The following ITSN2 variants were observed in gnomAD, a reference collection of about 807,000 sequenced individuals.
ITSN2 encodes the protein intersectin-2.
In ITSN2, 156 loss-of-function variants were observed where a neutral mutation model predicts 243.7. That is an observed-to-expected ratio of 0.64 (90% CI 0.56 to 0.73). The LOEUF (loss-of-function observed/expected upper bound fraction) is 0.73. Among genes scored for constraint, ITSN2 ranks in the 30% least tolerant of loss-of-function variants. The pLI is 0.00. For synonymous variants in ITSN2, 703 were observed against 699.9 expected (o/e 1.00, Z -0.07); for missense variants, 1,801 against 1,996.1 (o/e 0.90, Z 1.86).
chr2:24,303,974 T>C (rs1250810909), intron 8 of ITSN2, 112 bp from the exon 9 acceptor site: 3 of 776,502 alleles, frequency 3.9e-6, no homozygotes, highest in Non-Finnish European at 4.5e-6. Flanking sequence ...CTGGGAACTT[T>C]TAACATCAAA....
At chr2:24,332,279 T>C (rs1470003315) in intron 1 of ITSN2, among the ~76,000 whole-genome samples, 1 of 152,112 alleles carries the variant, frequency 6.6e-6, no homozygotes, top group Non-Finnish European at 1.5e-5. Context: ...TCAATGATTG[T>C]CTGCCCATGT....
At chr2:24,224,067 A>AAGG (rs70944732) in intron 29 of ITSN2, among the ~76,000 whole-genome samples, 148,804 of 151,954 alleles carry the variant, frequency 0.98, 72,859 homozygotes, top group East Asian at 0.99. Flanking sequence ...TTTGTGGAGC[A>AAGG]AGGAGAGGCT....
intron 8 of ITSN2, among the ~76,000 whole-genome samples, chr2:24,307,902 T>C (rs1558598017): frequency 6.6e-6 from 1 of 152,252 alleles, no homozygotes; most frequent in Non-Finnish European, 1.5e-5. Flanking sequence ...TCCTAAAAGA[T>C]ACCTCATCTG....
At chr2:24,280,479 A>C (rs1053746797) in intron 17 of ITSN2, among the ~76,000 whole-genome samples, 1 of 152,150 alleles carries the variant, frequency 6.6e-6, no homozygotes. Context: ...CCTCTATGTG[A>C]TCAGGAAACT....
chr2:24,261,003 C>T (rs1012943298), intron 22 of ITSN2, 103 bp downstream of exon 22: 10 of 948,174 alleles, frequency 1.1e-5, no homozygotes, highest in Admixed American at 2.8e-5. Flanking sequence ...ATGCTACAAA[C>T]TCTGGTTAAA....
intron 23 of ITSN2, among the ~76,000 whole-genome samples, chr2:24,256,014 T>C (rs1674988680): frequency 6.7e-6 from 1 of 149,198 alleles, no homozygotes; most frequent in Non-Finnish European, 1.5e-5. Flanking sequence ...GATCGGGCCA[T>C]TGCACTCCAG....
Position 24,204,945 on chromosome 2 carries a change from G to A in ITSN2, c.4762+269C>T, listed in dbSNP as rs1375674173. 6.4e-5 allele frequency: 24 copies of A among 375,822 alleles called. No individual in the cohort carries two copies. The highest frequency in any genetic ancestry group is 1.1e-4 in the Non-Finnish European group (21 of 191,398). The allele number at this position is 375,822 out of a possible 1,614,324, so 23.3% of individuals were successfully genotyped here. The stretch of plus-strand genomic sequence containing the variant: ...GCAGATCACTTGAGGTCAGGAGTTC[G>A]AGACCAGCCTGGCCAACATGGTGAA... On this transcript the variant is annotated intron_variant, in intron 38 of 39. Coordinates refer to ENST00000355123, the MANE Select transcript of ITSN2 (RefSeq NM_006277.3). This position sits in a 1 kb window ranked among gnomAD's most constrained non-coding sequence, Gnocchi z 5.1.
At chr2:24,318,369 C>T (rs190758089) in intron 2 of ITSN2, among the ~76,000 whole-genome samples, 125 of 152,244 alleles carry the variant, frequency 8.2e-4, no homozygotes, top group Non-Finnish European at 1.5e-3. Flanking sequence ...TGGTCTCGAA[C>T]TCCTGGGCTC....
chr2:24,336,045 TC>T (rs1469569029), intron 1 of ITSN2, among the ~76,000 whole-genome samples: 1 of 151,290 alleles, frequency 6.6e-6, no homozygotes, highest in Non-Finnish European at 1.5e-5. Flanking sequence ...ATCGAGACCA[TC>T]CTGGCTAACA....
At chr2:24,346,645 T>C (rs982476137) in intron 1 of ITSN2, among the ~76,000 whole-genome samples, 1 of 152,144 alleles carries the variant, frequency 6.6e-6, no homozygotes, top group Non-Finnish European at 1.5e-5. Flanking sequence ...TTAATAATAG[T>C]GGAAACTATG....
At chr2:24,325,938 C>T (rs1022629463) in intron 2 of ITSN2, among the ~76,000 whole-genome samples, 6 of 151,828 alleles carry the variant, frequency 4.0e-5, no homozygotes, top group Non-Finnish European at 7.4e-5. Flanking sequence ...TACACACACA[C>T]ACATACACAC....
chr2:24,237,693 T>C (rs1672322595), intron 29 of ITSN2, among the ~76,000 whole-genome samples: 1 of 152,090 alleles, frequency 6.6e-6, no homozygotes, highest in South Asian at 2.1e-4. Flanking sequence ...CCACCGACAC[T>C]CATATTCCAT....
chr2:24,345,956 G>T (rs1030520292), intron 1 of ITSN2, among the ~76,000 whole-genome samples: 25 of 152,142 alleles, frequency 1.6e-4, no homozygotes, highest in Non-Finnish European at 3.4e-4. Context: ...TGATTTAAGG[G>T]TTTTATGTAT....
intron 27 of ITSN2, among the ~76,000 whole-genome samples, chr2:24,247,511 GA>G (rs1339481212): frequency 1.3e-5 from 2 of 152,130 alleles, no homozygotes; most frequent in Non-Finnish European, 2.9e-5. Flanking sequence ...GAGTAGTCTT[GA>G]AGACCCCCAA....
intron 29 of ITSN2, among the ~76,000 whole-genome samples, chr2:24,237,103 G>C (rs1384934633): frequency 6.6e-6 from 1 of 152,094 alleles, no homozygotes. Context: ...TTGGGAGCCA[G>C]ACCATGGACC....
At chr2:24,334,806 G>A (rs1448032135) in intron 1 of ITSN2, 27 of 1,220,046 alleles carry the variant, frequency 2.2e-5, no homozygotes, top group Non-Finnish European at 3.0e-5. Flanking sequence ...GCTCACGCCT[G>A]TAATCCCAGC....
intron 3 of ITSN2, 31 bp from the exon 4 acceptor site, chr2:24,313,554 C>T (rs368507707): frequency 1.4e-5 from 22 of 1,528,322 alleles, no homozygotes; most frequent in Non-Finnish European, 2.7e-6. Flanking sequence ...ACCCAAGCAG[C>T]ACATTAGTAA....
At chr2:24,274,032 A>G (rs1368210716) in intron 18 of ITSN2, among the ~76,000 whole-genome samples, 1 of 152,216 alleles carries the variant, frequency 6.6e-6, no homozygotes. Flanking sequence ...TTAAACGCAT[A>G]TAACTAGTAT....
chr2:24,210,126 G>T, intron 34 of ITSN2, 93 bp from the exon 35 acceptor site: 1 of 858,078 alleles, frequency 1.2e-6, no homozygotes, highest in Non-Finnish European at 1.9e-6. Context: ...GGATACTGTG[G>T]TGGAGTTTTC....
Sources: gnomAD v4.1 joint callset for allele counts (sites outside exome capture counted in the v4.1 genomes callset) on GRCh38, gnomAD v4.1.1 for gene constraint, Gnocchi (gnomAD v3.1) non-coding constraint, MANE v1.5 for transcripts, NCBI Gene and HGNC (gene_info 2026-07-23, HGNC 2026-07-21) for gene names.